CTNNA1: variants seen among roughly 807,000 people sequenced by gnomAD.
The protein encoded by CTNNA1 is catenin alpha 1, also known as catenin alpha-1.
In CTNNA1, 37 loss-of-function variants were observed where a neutral mutation model predicts 98.4. That is an observed-to-expected ratio of 0.38 (90% CI 0.29 to 0.49). The LOEUF (loss-of-function observed/expected upper bound fraction) is 0.49, where lower values mean the gene tolerates loss of function less well. Ranked by LOEUF, CTNNA1 falls within the 20% of genes least tolerant of loss-of-function variation. The pLI, the probability that CTNNA1 is intolerant of heterozygous loss-of-function variation, is 0.95. For missense variants in CTNNA1, 761 were observed against 1,147.2 expected (o/e 0.66, Z 4.86); for synonymous variants, 404 against 413.2 (o/e 0.98, Z 0.27).
In CTNNA1 at chr5:138,826,934, G is replaced by C. The variant is rs532571605; in HGVS notation, c.859-581G>C. Among the ~76,000 whole-genome samples, 13 of 152,162 alleles carry C rather than the reference G, an allele frequency of 8.5e-5. 1 individual carries two copies. Among genetic ancestry groups the C allele is most frequent in the Non-Finnish European group, 1.9e-4 (13 of 68,022 alleles). On this transcript the variant is annotated intron_variant, in intron 6 of 17. Coordinates refer to ENST00000302763, the MANE Select transcript of CTNNA1 (RefSeq NM_001903.5). ...CGAGTAGCTGGGACTATAGGCGTGT[G>C]CCACCATGCCCAACTTATTTTATTT...
chr5:138,922,416 G>A (rs1763100751), intron 11 of CTNNA1, among the ~76,000 whole-genome samples: 1 of 152,076 alleles, frequency 6.6e-6, no homozygotes, highest in South Asian at 2.1e-4. Flanking sequence ...ACCTAGAAAG[G>A]TTTTCAAGTG....
At chr5:138,846,639 C>T (rs9327827) in intron 7 of CTNNA1, among the ~76,000 whole-genome samples, 104,904 of 152,070 alleles carry the variant, frequency 0.69, 36,347 homozygotes, top group East Asian at 0.93. Context: ...ATTGTGTACA[C>T]TGTTGACCTC....
intron 1 of CTNNA1, among the ~76,000 whole-genome samples, chr5:138,762,946 G>A (rs1752531406): frequency 6.6e-6 from 1 of 151,888 alleles, no homozygotes; most frequent in South Asian, 2.1e-4. Context: ...TAATTTAAAG[G>A]CTAATTTTTT....
In CTNNA1 at chr5:138,867,491, A is replaced by C. The variant is rs147777764; in HGVS notation, c.1063-18721A>C. On this transcript the variant is annotated intron_variant, in intron 7 of 17. Coordinates refer to ENST00000302763, the MANE Select transcript of CTNNA1 (RefSeq NM_001903.5). Reference sequence around the variant, plus strand: ...GATGTTTATCTGTAGCAAGCCAAGGACATTATAGTTGACCCTTGAGCAACA... The same window carrying C: ...GATGTTTATCTGTAGCAAGCCAAGGCCATTATAGTTGACCCTTGAGCAACA... 1.8e-4 allele frequency among the ~76,000 whole-genome samples: 28 copies of C among 152,340 alleles called. No individual in the cohort carries two copies. The East Asian group carries it at 5.2e-3, about 28-fold the overall frequency.
chr5:138,778,344 G>A (rs115436096), intron 1 of CTNNA1, among the ~76,000 whole-genome samples: 1,663 of 152,204 alleles, frequency 0.011, 27 homozygotes, highest in African/African-American at 0.038. Context: ...ATCGTCTCAC[G>A]CTTTGAATTT....
chr5:138,821,169 A>C (rs1007128414), intron 5 of CTNNA1, among the ~76,000 whole-genome samples: 3 of 152,230 alleles, frequency 2.0e-5, no homozygotes, highest in African/African-American at 7.2e-5. Context: ...GAAGTGTTGA[A>C]TCTCCATTAG....
chr5:138,811,237 TG>T (rs1254283754), intron 4 of CTNNA1, among the ~76,000 whole-genome samples: 20 of 119,094 alleles, frequency 1.7e-4, no homozygotes, highest in Admixed American at 7.4e-4. Context: ...ACCTCCCAGA[TG>T]GGGTCGCGGC....
At chr5:138,916,093 A>G (rs925088143) in intron 10 of CTNNA1, among the ~76,000 whole-genome samples, 8 of 151,446 alleles carry the variant, frequency 5.3e-5, no homozygotes, top group African/African-American at 1.7e-4. Flanking sequence ...GCAAGTTACA[A>G]AAGTCCACAT....
intron 1 of CTNNA1, among the ~76,000 whole-genome samples, chr5:138,772,070 A>C (rs1753614828): frequency 6.6e-6 from 1 of 152,194 alleles, no homozygotes; most frequent in East Asian, 1.9e-4. Flanking sequence ...TGGAGAAGGT[A>C]CGTAGTTCTT....
At chr5:138,836,766 A>G (rs1002891651) in intron 7 of CTNNA1, among the ~76,000 whole-genome samples, 12 of 152,180 alleles carry the variant, frequency 7.9e-5, no homozygotes, top group Admixed American at 3.3e-4. Context: ...GCCATCAAGC[A>G]GGGTTGAAAA....
intron 7 of CTNNA1, among the ~76,000 whole-genome samples, chr5:138,858,600 T>TTTTC (rs1554090795): frequency 0.24 from 6,373 of 26,480 alleles, 181 homozygotes; most frequent in Admixed American, 0.28. Context: ...TTTTCTTTTT[T>TTTTC]TTTTTTTTTT....
chr5:138,921,753 A>C (rs1431441217), intron 11 of CTNNA1, among the ~76,000 whole-genome samples: 1 of 151,792 alleles, frequency 6.6e-6, no homozygotes, highest in Non-Finnish European at 1.5e-5. Context: ...GGTGCCTGTC[A>C]CCACACCCAC....
At chr5:138,785,096 C>A (rs1487349399) in intron 3 of CTNNA1, among the ~76,000 whole-genome samples, 2 of 145,374 alleles carry the variant, frequency 1.4e-5, no homozygotes, top group African/African-American at 5.1e-5. Flanking sequence ...GAGTCTCGCT[C>A]TGTCGCCCAG....
intron 7 of CTNNA1, among the ~76,000 whole-genome samples, chr5:138,853,192 C>T (rs1763401225): frequency 6.6e-6 from 1 of 151,938 alleles, no homozygotes; most frequent in African/African-American, 2.4e-5. Flanking sequence ...AGTTATCCTC[C>T]CGCCTCGGCC....
intron 7 of CTNNA1, among the ~76,000 whole-genome samples, chr5:138,846,565 A>G (rs1762745069): frequency 1.3e-5 from 2 of 152,148 alleles, no homozygotes. Context: ...TATTTTTCCC[A>G]TTTTGAAACA....
intron 7 of CTNNA1, chr5:138,881,232 A>G: frequency 1.0e-5 from 4 of 397,808 alleles, no homozygotes; most frequent in Non-Finnish European, 2.0e-5. Context: ...ATTTAAGAAG[A>G]GGGCATTCTT....
At chr5:138,883,248 C>CTGA (rs1753334509) in intron 7 of CTNNA1, among the ~76,000 whole-genome samples, 1 of 152,152 alleles carries the variant, frequency 6.6e-6, no homozygotes, top group South Asian at 2.1e-4. Context: ...GTGTACTCAT[C>CTGA]TCTATTACAT....
intron 3 of CTNNA1, among the ~76,000 whole-genome samples, chr5:138,807,008 C>CTT (rs1321047490): frequency 5.1e-4 from 57 of 111,466 alleles, no homozygotes; most frequent in Non-Finnish European, 6.4e-4. Flanking sequence ...AGATGTTGGA[C>CTT]TTTTTTTTTT....
chr5:138,877,441 C>CTTTT (rs70982737), intron 7 of CTNNA1, among the ~76,000 whole-genome samples: 1 of 136,808 alleles, frequency 7.3e-6, no homozygotes, highest in African/African-American at 2.7e-5. Flanking sequence ...TCTTAAATTT[C>CTTTT]TTTTTTTTTT....
Sources: allele counts gnomAD v4.1 joint callset (sites outside exome capture counted in the v4.1 genomes callset), GRCh38; gene constraint gnomAD v4.1.1; transcripts MANE v1.5; gene names NCBI Gene and HGNC (gene_info 2026-07-23, HGNC 2026-07-21).